Variants in RNF217 observed in about 807,000 individuals in gnomAD.
The protein encoded by RNF217 is E3 ubiquitin-protein ligase RNF217.
In RNF217, 31 loss-of-function variants were observed where a neutral mutation model predicts 57.8. The observed-to-expected ratio is 0.54, with a 90% CI of 0.40 to 0.72. The LOEUF (loss-of-function observed/expected upper bound fraction) is 0.72, where lower values mean the gene tolerates loss of function less well. Among genes scored for constraint, RNF217 ranks in the 30% least tolerant of loss-of-function variants. The pLI, the probability that RNF217 is intolerant of heterozygous loss-of-function variation, is 0.00. For synonymous variants in RNF217, 313 were observed against 294.0 expected, an observed-to-expected ratio of 1.06 and a Z score of -0.66; for missense variants, 696 against 708.3, an observed-to-expected ratio of 0.98 and a Z score of 0.20.
At chr6:125,072,957 A>G (rs985428605) in intron 3 of RNF217, among the ~76,000 whole-genome samples, 1 of 152,212 alleles carries the variant, frequency 6.6e-6, no homozygotes, top group African/African-American at 2.4e-5. Flanking sequence ...TGGTGCAGTT[A>G]TAAGGCTTAA....
At chr6:125,037,891 T>G (rs186963067) in intron 1 of RNF217, among the ~76,000 whole-genome samples, 5 of 152,320 alleles carry the variant, frequency 3.3e-5, no homozygotes, top group Admixed American at 6.5e-5. Flanking sequence ...TAAACTATCA[T>G]GACCAACACT....
At chr6:125,052,499 T>C (rs1027385117) in intron 2 of RNF217, among the ~76,000 whole-genome samples, 1 of 152,020 alleles carries the variant, frequency 6.6e-6, no homozygotes, top group Non-Finnish European at 1.5e-5. Context: ...GAAGACTGTA[T>C]GTTACTGGCA....
intron 1 of RNF217, among the ~76,000 whole-genome samples, chr6:125,023,823 A>G (rs1454405387): frequency 1.3e-5 from 2 of 152,228 alleles, no homozygotes; most frequent in African/African-American, 4.8e-5. Context: ...GACCAGGCAC[A>G]GAAAGACAAA....
At chr6:125,004,545 G>A (rs912010202) in intron 1 of RNF217, among the ~76,000 whole-genome samples, 87 of 152,320 alleles carry the variant, frequency 5.7e-4, no homozygotes, top group African/African-American at 2.0e-3. Context: ...TTTCTTCCCT[G>A]CCTAGGAAAT....
intron 5 of RNF217, among the ~76,000 whole-genome samples, chr6:125,082,129 C>T (rs574627960): frequency 2.0e-5 from 3 of 152,144 alleles, no homozygotes; most frequent in South Asian, 2.1e-4. Flanking sequence ...GTTTCTGACT[C>T]GGTATATGGG....
chr6:125,046,035 G>A (rs1787085231), intron 2 of RNF217, among the ~76,000 whole-genome samples: 1 of 152,070 alleles, frequency 6.6e-6, no homozygotes, highest in African/African-American at 2.4e-5. Context: ...CATATAGTGT[G>A]CTTTGAGGAC....
At chr6:125,036,753 A>G (rs1490070559) in intron 1 of RNF217, among the ~76,000 whole-genome samples, 1 of 152,104 alleles carries the variant, frequency 6.6e-6, no homozygotes, top group Non-Finnish European at 1.5e-5. Flanking sequence ...GCTAACAAAC[A>G]TGAAAAAATG....
At chr6:125,082,637 A>T (rs1367828250) in intron 5 of RNF217, 2 of 1,565,320 alleles carry the variant, frequency 1.3e-6, no homozygotes, top group African/African-American at 2.7e-5. Context: ...TGATATTTGG[A>T]TAGAAATCAT....
At chr6:125,034,886 G>T (rs998765883) in intron 1 of RNF217, among the ~76,000 whole-genome samples, 5 of 152,100 alleles carry the variant, frequency 3.3e-5, no homozygotes, top group African/African-American at 7.2e-5. Context: ...GCAGTGGTTT[G>T]TAGTTCTCCT....
Position 125,083,571 on chromosome 6 carries a change from G to A in RNF217, c.*634G>A, listed in dbSNP as rs1363151987. On this transcript the variant is annotated 3_prime_UTR_variant, in exon 6 of 6. Coordinates refer to ENST00000521654, the MANE Select transcript of RNF217 (RefSeq NM_001286398.3). Reference sequence around the variant, plus strand: ...CGTGAATGTGTGTGTATATAAATATGTATTAAAACTAGGCCCAGTAACCTT... The same window carrying A: ...CGTGAATGTGTGTGTATATAAATATATATTAAAACTAGGCCCAGTAACCTT... 1.3e-5 allele frequency: 2 copies of A among 152,030 alleles called. No individual in the cohort carries two copies. The highest frequency in any genetic ancestry group is 2.4e-5 in the African/African-American group (1 of 41,404). The allele number at this position is 152,030 out of a possible 1,614,324, so 9.4% of individuals were successfully genotyped here. A position where few individuals can be genotyped will look rare whatever the true frequency, so the allele number is the denominator to read the frequency against.
intron 1 of RNF217, among the ~76,000 whole-genome samples, chr6:124,976,084 G>C (rs560266525): frequency 6.6e-6 from 1 of 152,166 alleles, no homozygotes; most frequent in Non-Finnish European, 1.5e-5. Flanking sequence ...ATGTGTATGT[G>C]TGTATATATG....
chr6:124,972,946 G>A (rs1010174121), intron 1 of RNF217, among the ~76,000 whole-genome samples: 2 of 152,160 alleles, frequency 1.3e-5, no homozygotes, highest in African/African-American at 4.8e-5. Flanking sequence ...CTTGATGCAT[G>A]TAAAGACATT....
intron 1 of RNF217, among the ~76,000 whole-genome samples, chr6:125,044,434 C>T (rs866753804): frequency 7.9e-5 from 12 of 152,154 alleles, no homozygotes; most frequent in Middle Eastern, 3.4e-3. Context: ...ATTTTTAATG[C>T]TAAACATATC....
In RNF217 at chr6:125,034,514, G is replaced by A. The variant is rs561400422; in HGVS notation, c.883-10697G>A. Among the ~76,000 whole-genome samples, 176 of 152,048 alleles carry A rather than the reference G, an allele frequency of 1.2e-3. 2 individuals carry two copies. Among genetic ancestry groups the A allele is most frequent in the Admixed American group, 1.4e-3 (22 of 15,280 alleles). On this transcript the variant is annotated intron_variant, in intron 1 of 5. Transcript: ENST00000521654. The stretch of plus-strand genomic sequence containing the variant: ...AAAGATCAGATAGTTGTAGATATGC[G>A]ACATTATTTCTGAGGGCTCTGTTCT...
At chr6:125,082,794 T>C (rs1788624328) in intron 5 of RNF217, 70 bp from the exon 6 acceptor site, 3 of 1,239,334 alleles carry the variant, frequency 2.4e-6, no homozygotes, top group Non-Finnish European at 3.5e-6. Context: ...TAAATAAACA[T>C]AGACATTTTA....
intron 1 of RNF217, among the ~76,000 whole-genome samples, chr6:124,965,163 C>T (rs1484539883): frequency 6.6e-6 from 1 of 152,152 alleles, no homozygotes; most frequent in Non-Finnish European, 1.5e-5. Flanking sequence ...TACAGTACAA[C>T]CACTAAAAAC....
At chr6:124,982,683 T>C (rs1358469037) in intron 1 of RNF217, among the ~76,000 whole-genome samples, 1 of 152,202 alleles carries the variant, frequency 6.6e-6, no homozygotes, top group African/African-American at 2.4e-5. Flanking sequence ...AAAGTATTAA[T>C]AAACAATTGC....
At chr6:124,993,304 A>G (rs1784629839) in intron 1 of RNF217, among the ~76,000 whole-genome samples, 1 of 152,146 alleles carries the variant, frequency 6.6e-6, no homozygotes, top group Non-Finnish European at 1.5e-5. Context: ...TGACTAAGCG[A>G]ACAATATAAA....
In RNF217 at chr6:124,962,880, G is replaced by A. The variant is rs558719968; in HGVS notation, c.336G>A (p.Glu112=). 16 of 1,598,134 alleles carry A rather than the reference G, an allele frequency of 1.0e-5. No homozygotes were observed. In the East Asian group the frequency reaches 1.6e-4, roughly 16 times the overall value. Residue 112 remains glutamate, a synonymous_variant, in exon 1 of 6, where the codon GAG becomes GAA. Coordinates refer to ENST00000521654, the MANE Select transcript of RNF217 (RefSeq NM_001286398.3). This position sits in a 1 kb window ranked among gnomAD's most constrained non-coding sequence, Gnocchi z 4.6. ...AGTTGGAGCTGGAGGAGGAAGAGGA[G>A]GAAGCTGGGGATCGAAAAGAGGGAG... The part of the protein sequence containing the change: ...PLQLELEEEE[E]EAGDRKEGGD...
Sources: gnomAD v4.1 joint callset for allele counts (sites outside exome capture counted in the v4.1 genomes callset) on GRCh38, gnomAD v4.1.1 for gene constraint, Gnocchi (gnomAD v3.1) non-coding constraint, MANE v1.5 for transcripts, NCBI Gene and HGNC (gene_info 2026-07-23, HGNC 2026-07-21) for gene names.